RBFOX1: variants seen among roughly 807,000 people sequenced by gnomAD.
RBFOX1 encodes the protein RNA binding fox-1 homolog 1.
In RBFOX1, 8 loss-of-function variants were observed where a neutral mutation model predicts 57.7. The observed-to-expected ratio is 0.14, with a 90% confidence interval of 0.08 to 0.25. The LOEUF is 0.25. RBFOX1 is among the 10% of genes least tolerant of loss of function. The pLI is 1.00. For synonymous variants in RBFOX1, 326 were observed against 222.4 expected (o/e 1.47, Z -4.15); for missense variants, 611 against 548.5 (o/e 1.11, Z -1.14).
chr16:5,674,541 T>G (rs970261209), intron 3 of RBFOX1, among the ~76,000 whole-genome samples: 2 of 152,170 alleles, frequency 1.3e-5, no homozygotes, highest in Non-Finnish European at 2.9e-5. Flanking sequence ...AGAGCAAAGG[T>G]AGACAGAAGG....
At chr16:7,701,794 C>G (rs1309376128) in intron 14 of RBFOX1, among the ~76,000 whole-genome samples, 1 of 152,194 alleles carries the variant, frequency 6.6e-6, no homozygotes, top group Non-Finnish European at 1.5e-5. Flanking sequence ...GATCTGAAGT[C>G]CAGAACTCAG....
intron 1 of RBFOX1, among the ~76,000 whole-genome samples, chr16:6,131,571 T>A (rs1034319242): frequency 2.0e-5 from 3 of 152,210 alleles, no homozygotes; most frequent in Non-Finnish European, 2.9e-5. Flanking sequence ...ACTCCCCAGA[T>A]GACTCTCAAG....
At chr16:6,959,088 G>A (rs74008475) in intron 3 of RBFOX1, among the ~76,000 whole-genome samples, 2 of 152,072 alleles carry the variant, frequency 1.3e-5, no homozygotes, top group Non-Finnish European at 2.9e-5. Context: ...CATAAAGATA[G>A]GCATTTTCTT....
chr16:7,511,541 C>G (rs777790110), intron 4 of RBFOX1, among the ~76,000 whole-genome samples: 79 of 152,280 alleles, frequency 5.2e-4, no homozygotes, highest in Non-Finnish European at 9.3e-4. Flanking sequence ...TGCTAATAGT[C>G]AGATTACAGT....
rs539145855 is a variant in RBFOX1 at position 6,925,914 on chromosome 16, T to C, written c.-15-126143T>C. Among the ~76,000 whole-genome samples the C allele has an allele frequency of 7.2e-5, 11 of 152,284 alleles. No homozygotes were observed. In the East Asian group the frequency reaches 2.1e-3, roughly 29 times the overall value. ...TTTTGTTTTATCATCTATTTATTTA[T>C]TTACTTTTGCAATTAATTTATTTTA... On this transcript the variant is annotated intron_variant, in intron 3 of 15. Transcript: ENST00000550418.
At chr16:7,268,418 C>G (rs564642005) in intron 4 of RBFOX1, among the ~76,000 whole-genome samples, 18 of 152,196 alleles carry the variant, frequency 1.2e-4, no homozygotes, top group South Asian at 2.1e-4. Flanking sequence ...GCCTGAGTTA[C>G]TTGCTCTCTG....
intron 4 of RBFOX1, among the ~76,000 whole-genome samples, chr16:7,293,694 T>G (rs2095838266): frequency 6.6e-6 from 1 of 152,152 alleles, no homozygotes; most frequent in Non-Finnish European, 1.5e-5. Context: ...AGGTGAGATT[T>G]TTGAGAGCCA....
At chr16:5,631,628 G>C (rs1436317401) in intron 3 of RBFOX1, among the ~76,000 whole-genome samples, 2 of 151,698 alleles carry the variant, frequency 1.3e-5, no homozygotes, top group Non-Finnish European at 2.9e-5. Flanking sequence ...ATTTATTGCA[G>C]ACTCCTTTGC....
At chr16:6,576,519 G>A (rs1021714761) in intron 2 of RBFOX1, among the ~76,000 whole-genome samples, 1 of 151,822 alleles carries the variant, frequency 6.6e-6, no homozygotes, top group African/African-American at 2.4e-5. Flanking sequence ...TTAAAAACTT[G>A]AGGACATTGA....
At chr16:5,364,915 G>C (rs1367133713) in intron 1 of RBFOX1, among the ~76,000 whole-genome samples, 1 of 152,132 alleles carries the variant, frequency 6.6e-6, no homozygotes, top group African/African-American at 2.4e-5. Flanking sequence ...ATGTCACGCT[G>C]GACAGTAGGG....
chr16:6,396,005 G>C (rs889852118), intron 2 of RBFOX1, among the ~76,000 whole-genome samples: 2 of 146,838 alleles, frequency 1.4e-5, no homozygotes, highest in African/African-American at 5.1e-5. Context: ...GGTGGAAGTT[G>C]CAGTGAGCTG....
intron 4 of RBFOX1, among the ~76,000 whole-genome samples, chr16:7,438,942 A>G (rs1261414860): frequency 6.6e-6 from 1 of 152,166 alleles, no homozygotes; most frequent in African/African-American, 2.4e-5. Flanking sequence ...AAAGAAAGCC[A>G]TTTCAGAAGT....
intron 3 of RBFOX1, among the ~76,000 whole-genome samples, chr16:5,756,729 C>A (rs938723862): frequency 6.6e-6 from 1 of 152,152 alleles, no homozygotes; most frequent in African/African-American, 2.4e-5. Context: ...ATACCTAATT[C>A]TTTGAGCCAA....
intron 4 of RBFOX1, among the ~76,000 whole-genome samples, chr16:7,068,633 C>T (rs2153770316): frequency 6.6e-6 from 1 of 152,280 alleles, no homozygotes. Context: ...GTTTCCCAGG[C>T]TGGAGTGCAA....
At chr16:6,967,303 G>A (rs1033311201) in intron 3 of RBFOX1, among the ~76,000 whole-genome samples, 1 of 151,980 alleles carries the variant, frequency 6.6e-6, no homozygotes, top group Admixed American at 6.6e-5. Flanking sequence ...CATTATTTAT[G>A]TATGGATCTG....
At chr16:6,736,951 T>C (rs2070526217) in intron 3 of RBFOX1, among the ~76,000 whole-genome samples, 1 of 152,162 alleles carries the variant, frequency 6.6e-6, no homozygotes, top group African/African-American at 2.4e-5. Flanking sequence ...GAAGTTAGCA[T>C]CGGGAAGCGA....
chr16:7,151,072 G>T (rs2076012974), intron 4 of RBFOX1, among the ~76,000 whole-genome samples: 1 of 152,154 alleles, frequency 6.6e-6, no homozygotes, highest in South Asian at 2.1e-4. Flanking sequence ...AATGACAGAG[G>T]CTGTTAAGTG....
At chr16:7,441,289 T>G (rs1193834112) in intron 4 of RBFOX1, among the ~76,000 whole-genome samples, 1 of 152,216 alleles carries the variant, frequency 6.6e-6, no homozygotes, top group East Asian at 1.9e-4. Flanking sequence ...GCCTTGGCAG[T>G]GGTGGAGCTG....
chr16:6,950,966 CATG>C (rs930239031), intron 3 of RBFOX1, among the ~76,000 whole-genome samples: 3 of 151,758 alleles, frequency 2.0e-5, no homozygotes, highest in African/African-American at 7.3e-5. Flanking sequence ...AGTGCAGTGG[CATG>C]ATCACAGCTC....
Sources: gnomAD v4.1 joint callset for allele counts (sites outside exome capture counted in the v4.1 genomes callset) on GRCh38, gnomAD v4.1.1 for gene constraint, MANE v1.5 for transcripts, NCBI Gene and HGNC (gene_info 2026-07-23, HGNC 2026-07-21) for gene names.